ANO4: variants seen among roughly 807,000 people sequenced by gnomAD.
ANO4 encodes anoctamin-4.
ANO4 carries 69 observed loss-of-function variants against 141.9 expected under a neutral mutation model. That is an observed-to-expected ratio of 0.49 (90% CI 0.40 to 0.59). The LOEUF (loss-of-function observed/expected upper bound fraction) is 0.59. ANO4 is among the 20% of genes least tolerant of loss of function. ANO4 has a pLI of 0.00. For synonymous variants in ANO4, 350 were observed against 394.3 expected, an observed-to-expected ratio of 0.89 and a Z score of 1.33; for missense variants, 894 against 1,162.2, an observed-to-expected ratio of 0.77 and a Z score of 3.36.
Position 101,066,032 on chromosome 12 carries a change from G to A in ANO4, c.1313-13161G>A, listed in dbSNP as rs111359142. 6.9e-3 allele frequency among the ~76,000 whole-genome samples: 1,057 copies of A among 152,244 alleles called. 12 individuals are homozygous for A. Among genetic ancestry groups the A allele is most frequent in the African/African-American group, 0.024 (992 of 41,528 alleles). ...AAACCATATGATCATTTCAATTGAT[G>A]ACAAAGAAAGAATTTGATAAAGTTC... On this transcript the variant is annotated intron_variant, in intron 14 of 27. Transcript: ENST00000392977.
chr12:100,741,229 A>G (rs2031851001), intron 3 of ANO4, among the ~76,000 whole-genome samples: 3 of 151,594 alleles, frequency 2.0e-5, no homozygotes, highest in Non-Finnish European at 3.0e-5. Context: ...GCCAAATCCA[A>G]TGTGTAATTC....
chr12:101,006,704 A>G (rs1425355498), intron 8 of ANO4, among the ~76,000 whole-genome samples: 4 of 152,210 alleles, frequency 2.6e-5, no homozygotes, highest in Non-Finnish European at 5.9e-5. Context: ...CTTGCAGGAG[A>G]GTAATTATAG....
At chr12:100,815,321 C>T (rs929376568) in intron 1 of ANO4, among the ~76,000 whole-genome samples, 2 of 152,042 alleles carry the variant, frequency 1.3e-5, no homozygotes, top group Non-Finnish European at 2.9e-5. Context: ...CAGTATTTGT[C>T]GTAATGATAT....
chr12:101,053,518 A>G (rs969416181), intron 14 of ANO4, among the ~76,000 whole-genome samples: 1 of 152,158 alleles, frequency 6.6e-6, no homozygotes, highest in Non-Finnish European at 1.5e-5. Context: ...GTTCCATGCC[A>G]GTCTCCTGGA....
rs552705196 is a variant in ANO4, at chr12:100,849,393, C to T, written c.-140-52253C>T. ...AAATAGTATACAGGGAAGAAAGAGTCTCCTTCCTGCCTCATTTCTCAGCCA... is the reference window on the plus strand; with the variant it reads ...AAATAGTATACAGGGAAGAAAGAGTTTCCTTCCTGCCTCATTTCTCAGCCA... On this transcript the variant is annotated intron_variant, in intron 1 of 27. Coordinates refer to ENST00000392977, the MANE Select transcript of ANO4 (RefSeq NM_001286615.2). 5.9e-4 allele frequency among the ~76,000 whole-genome samples: 90 copies of T among 152,294 alleles called. No individual in the cohort carries two copies. In the Middle Eastern group the frequency reaches 0.01, roughly 17 times the overall value.
chr12:101,102,986 T>G (rs2050250257), intron 22 of ANO4, among the ~76,000 whole-genome samples: 1 of 151,560 alleles, frequency 6.6e-6, no homozygotes, highest in Non-Finnish European at 1.5e-5. Context: ...AAATGATGTT[T>G]TTATTGTTTT....
chr12:100,835,435 T>C (rs1047196691), intron 1 of ANO4, among the ~76,000 whole-genome samples: 3 of 151,804 alleles, frequency 2.0e-5, no homozygotes, highest in Non-Finnish European at 4.4e-5. Context: ...GAGCCAAGAG[T>C]TGAATCTCTG....
Position 100,734,018 on chromosome 12 carries a change from G to T in ANO4, c.106+161G>T, listed in dbSNP as rs1336363137. ...GCTTGTGGACTCACTTTTCTGGATC[G>T]CCCTCTTGTGGATTTCTACTGCTTT... On this transcript the variant is annotated intron_variant, in intron 2 of 29. Transcript: ENST00000644049. Among the ~76,000 whole-genome samples, 4 of 152,252 alleles carry T rather than the reference G, an allele frequency of 2.6e-5. No individual in the cohort carries two copies. The South Asian group carries it at 8.3e-4, about 32-fold the overall frequency.
At chr12:100,868,531 C>A (rs961943931) in intron 1 of ANO4, among the ~76,000 whole-genome samples, 1 of 152,136 alleles carries the variant, frequency 6.6e-6, no homozygotes, top group African/African-American at 2.4e-5. Context: ...TAGTTAAATG[C>A]CGCCAACCAG....
intron 1 of ANO4, among the ~76,000 whole-genome samples, chr12:100,823,493 C>G (rs1324221312): frequency 1.3e-5 from 2 of 151,848 alleles, no homozygotes; most frequent in African/African-American, 2.4e-5. Flanking sequence ...TGCATACAAG[C>G]GAGTTGGGAC....
chr12:101,042,201 C>A, intron 11 of ANO4, 133 bp from the exon 12 acceptor site: 1 of 1,119,284 alleles, frequency 8.9e-7, no homozygotes, highest in Non-Finnish European at 1.3e-6. Context: ...ATGGGATGTT[C>A]TTTTATCTTG....
chr12:101,035,200 A>G (rs907766900), intron 9 of ANO4, among the ~76,000 whole-genome samples: 1 of 152,228 alleles, frequency 6.6e-6, no homozygotes, highest in African/African-American at 2.4e-5. Flanking sequence ...ATGGAATACT[A>G]CTCAGCAATA....
At chr12:101,099,511 C>G in intron 21 of ANO4, 67 bp from the exon 22 acceptor site, 2 of 1,439,644 alleles carry the variant, frequency 1.4e-6, no homozygotes, top group Non-Finnish European at 9.2e-7. Flanking sequence ...TCAAACTCTC[C>G]TTTTTCTTAT....
At chr12:100,736,197 T>C (rs894358402) in intron 2 of ANO4, among the ~76,000 whole-genome samples, 1 of 152,090 alleles carries the variant, frequency 6.6e-6, no homozygotes, top group African/African-American at 2.4e-5. Context: ...GGGCTGTGAG[T>C]AGAGAATTCT....
intron 1 of ANO4, among the ~76,000 whole-genome samples, chr12:100,826,571 T>C (rs1281521378): frequency 1.3e-5 from 2 of 150,002 alleles, no homozygotes; most frequent in African/African-American, 4.9e-5. Flanking sequence ...GCCTGCTGTT[T>C]GGGAGATTCT....
intron 25 of ANO4, among the ~76,000 whole-genome samples, chr12:101,118,882 G>A (rs1032789947): frequency 2.5e-5 from 2 of 80,700 alleles, no homozygotes; most frequent in Non-Finnish European, 4.7e-5. Flanking sequence ...CCCACCCCAC[G>A]ACAGGCCCCG....
At chr12:100,912,654 A>C (rs1017625624) in intron 2 of ANO4, among the ~76,000 whole-genome samples, 6 of 152,154 alleles carry the variant, frequency 3.9e-5, no homozygotes, top group African/African-American at 1.4e-4. Flanking sequence ...CCCTTTTCTG[A>C]AAATAGACAC....
At chr12:100,892,403 C>T (rs1203907622) in intron 1 of ANO4, among the ~76,000 whole-genome samples, 2 of 152,196 alleles carry the variant, frequency 1.3e-5, no homozygotes, top group African/African-American at 4.8e-5. Context: ...AGGTTGTCTT[C>T]AATGACCACT....
At chr12:101,100,668 A>G (rs2050154835) in intron 22 of ANO4, among the ~76,000 whole-genome samples, 1 of 152,228 alleles carries the variant, frequency 6.6e-6, no homozygotes, top group Non-Finnish European at 1.5e-5. Flanking sequence ...TTATGTGGCT[A>G]GAATTTGGTA....
Sources: allele counts gnomAD v4.1 joint callset (sites outside exome capture counted in the v4.1 genomes callset), GRCh38; gene constraint gnomAD v4.1.1; transcripts MANE v1.5; gene names NCBI Gene and HGNC (gene_info 2026-07-23, HGNC 2026-07-21).